Variants in RFTN1 observed in about 807,000 individuals in gnomAD.
The protein encoded by RFTN1 is raftlin.
A neutral mutation model predicts 46.5 loss-of-function variants in RFTN1; 26 were observed. That is an observed-to-expected ratio of 0.56 (90% CI 0.41 to 0.78). The LOEUF (loss-of-function observed/expected upper bound fraction) is 0.78. Ranked by LOEUF, RFTN1 falls within the 30% of genes least tolerant of loss-of-function variation. The pLI is 0.00. For synonymous variants in RFTN1, 261 were observed against 284.2 expected (o/e 0.92, Z 0.82); for missense variants, 693 against 718.7 (o/e 0.96, Z 0.41).
chr3:16,323,827 A>G, intron 8 of RFTN1, among the ~76,000 whole-genome samples: 1 of 152,228 alleles, frequency 6.6e-6, no homozygotes, highest in East Asian at 1.9e-4. Context: ...CAGGTAGATA[A>G]GGACCTGGGT....
chr3:16,479,215 G>T lies in RFTN1; in HGVS notation c.145+14510C>A, dbSNP rs1043659171. Among the ~76,000 whole-genome samples, 5 of 152,136 alleles carry T rather than the reference G, an allele frequency of 3.3e-5. No homozygotes were observed. The highest frequency in any genetic ancestry group is 1.2e-4 in the African/African-American group (5 of 41,428). On this transcript the variant is annotated intron_variant, in intron 2 of 9. Transcript: ENST00000334133. This position sits in a 1 kb window ranked among gnomAD's most constrained non-coding sequence, Gnocchi z 5.1. Reference sequence around the variant, plus strand: ...AACCTTGGCTGGTTCACCCCTCAGGGACACTGATCCCCATCACTTGCCTTA... The same window carrying T: ...AACCTTGGCTGGTTCACCCCTCAGGTACACTGATCCCCATCACTTGCCTTA...
intron 2 of RFTN1, among the ~76,000 whole-genome samples, chr3:16,445,495 A>T (rs1202017107): frequency 2.1e-4 from 31 of 148,756 alleles, no homozygotes; most frequent in African/African-American, 6.9e-4. Context: ...ACACACACAC[A>T]CACACACACA....
At chr3:16,501,895 C>A (rs2076716611) in intron 1 of RFTN1, among the ~76,000 whole-genome samples, 1 of 152,176 alleles carries the variant, frequency 6.6e-6, no homozygotes, top group South Asian at 2.1e-4. Flanking sequence ...TGATCCAATG[C>A]CAGATGTAAA....
chr3:16,496,710 G>A (rs527606593), intron 1 of RFTN1, among the ~76,000 whole-genome samples: 4 of 152,238 alleles, frequency 2.6e-5, no homozygotes, highest in Admixed American at 2.6e-4. Context: ...CTGTGACCCG[G>A]AAATTCCTCT....
chr3:16,488,627 T>C (rs2076491148), intron 2 of RFTN1, among the ~76,000 whole-genome samples: 2 of 152,230 alleles, frequency 1.3e-5, no homozygotes, highest in South Asian at 4.1e-4. Context: ...AACAACAACA[T>C]TCCAGTTGGT....
rs549180782 is a variant in RFTN1, at chr3:16,383,565, T to C, written c.442-5463A>G. ...GGAATTATTTTTATTAAAAATAATATGACATTAGATTTCTAGGATGGATTG... is the reference window on the plus strand; with the variant it reads ...GGAATTATTTTTATTAAAAATAATACGACATTAGATTTCTAGGATGGATTG... On this transcript the variant is annotated intron_variant, in intron 4 of 9. Transcript: ENST00000334133. This position sits in a 1 kb window ranked among gnomAD's most constrained non-coding sequence, Gnocchi z 4.0. Among the ~76,000 whole-genome samples, 1 of 152,334 alleles carries C rather than the reference T, an allele frequency of 6.6e-6. No homozygotes were observed. The highest frequency in any genetic ancestry group is 2.1e-4 in the South Asian group (1 of 4,828).
rs2075258009 is a variant in RFTN1 at position 16,424,726 on chromosome 3, A to T, written c.332+9125T>A. 6.6e-6 allele frequency among the ~76,000 whole-genome samples: 1 copy of T among 152,190 alleles called. No homozygotes were observed. Among genetic ancestry groups the T allele is most frequent in the Non-Finnish European group, 1.5e-5 (1 of 68,030 alleles). On this transcript the variant is annotated intron_variant, in intron 3 of 9. Transcript: ENST00000334133. The surrounding 1 kb of genome is among the most constrained non-coding windows in gnomAD (Gnocchi z 4.7). ...TTGTAAATGGTTCCATCTTTCAATC[A>T]TTTAAAATATAAAATTTGGACAGAT...
rs1237493621 is a variant in RFTN1 at position 16,498,340 on chromosome 3, G to A, written c.-8-4463C>T. On this transcript the variant is annotated intron_variant, in intron 1 of 9. Coordinates refer to ENST00000334133, the MANE Select transcript of RFTN1 (RefSeq NM_015150.2). This position sits in a 1 kb window ranked among gnomAD's most constrained non-coding sequence, Gnocchi z 5.2. The stretch of plus-strand genomic sequence containing the variant: ...GCAGTGAATTAATGTAACCAAGCCA[G>A]CTGTCTCTGTACCTCACTTCTCTTT... 6.6e-6 allele frequency among the ~76,000 whole-genome samples: 1 copy of A among 152,160 alleles called. No homozygotes were observed. The highest frequency in any genetic ancestry group is 1.5e-5 in the Non-Finnish European group (1 of 68,018).
rs1308306849 is a variant in RFTN1 at position 16,450,459 on chromosome 3, C to T, written c.146-16422G>A. On this transcript the variant is annotated intron_variant, in intron 2 of 9. Transcript: ENST00000334133. The surrounding 1 kb of genome is among the most constrained non-coding windows in gnomAD (Gnocchi z 4.6). ...AGAGCCTGAGGCCCATCCAAGGGCT[C>T]TCTCCCACTGCACCATGATGCTGCA... Among the ~76,000 whole-genome samples the T allele has an allele frequency of 6.6e-6, 1 of 152,198 alleles. No homozygotes were observed. Among genetic ancestry groups the T allele is most frequent in the Non-Finnish European group, 1.5e-5 (1 of 68,032 alleles).
rs1005412131 is a variant in RFTN1 at position 16,327,954 on chromosome 3, C to T, written c.1147-1078G>A. On this transcript the variant is annotated intron_variant, in intron 7 of 9. Coordinates refer to ENST00000334133, the MANE Select transcript of RFTN1 (RefSeq NM_015150.2). This position sits in a 1 kb window ranked among gnomAD's most constrained non-coding sequence, Gnocchi z 4.2. ...CTGCTCTGTGTGTAACTGGACTCCT[C>T]ATCCCTCATAGTTTGGCTTCTTGTA... 4.6e-5 allele frequency among the ~76,000 whole-genome samples: 7 copies of T among 152,228 alleles called. No homozygotes were observed. The highest frequency in any genetic ancestry group is 4.1e-4 in the South Asian group (2 of 4,834).
Position 16,338,791 on chromosome 3 carries a change from G to GA in RFTN1, c.1147-11916dup, listed in dbSNP as rs1003936726. On this transcript the variant is annotated intron_variant, in intron 7 of 9. Transcript: ENST00000334133. The surrounding 1 kb of genome is among the most constrained non-coding windows in gnomAD (Gnocchi z 5.3). ...TTACCTAGAAAAGAGAAAAGGGATT[G>GA]AAAAAAGGAGCTTTTCCAAAGTGTA... 2.8e-4 allele frequency among the ~76,000 whole-genome samples: 42 copies of GA among 152,192 alleles called. No homozygotes were observed. The highest frequency in any genetic ancestry group is 1.0e-3 in the African/African-American group (42 of 41,524).
rs1464183712 is a variant in RFTN1 at position 16,329,033 on chromosome 3, A to G, written c.1147-2157T>C. ...GTGTTGAAAACTTAATCCCCAATGC[A>G]ATGACATTGAATGGTGAGGCCTGGT... On this transcript the variant is annotated intron_variant, in intron 7 of 9. Coordinates refer to ENST00000334133, the MANE Select transcript of RFTN1 (RefSeq NM_015150.2). The surrounding 1 kb of genome is among the most constrained non-coding windows in gnomAD (Gnocchi z 4.5). Among the ~76,000 whole-genome samples the G allele has an allele frequency of 2.6e-5, 4 of 152,250 alleles. No homozygotes were observed. The East Asian group carries it at 5.8e-4, about 22-fold the overall frequency.
At chr3:16,431,348 C>G (rs559183060) in intron 3 of RFTN1, among the ~76,000 whole-genome samples, 1 of 152,278 alleles carries the variant, frequency 6.6e-6, no homozygotes, top group South Asian at 2.1e-4. Context: ...GTGCCACGGA[C>G]CATCAGCATC....
chr3:16,488,640 T>A, intron 2 of RFTN1, among the ~76,000 whole-genome samples: 1 of 152,226 alleles, frequency 6.6e-6, no homozygotes, highest in East Asian at 1.9e-4. Flanking sequence ...CAGTTGGTGT[T>A]AATGCCTATT....
intron 2 of RFTN1, among the ~76,000 whole-genome samples, chr3:16,441,587 C>G (rs1315524738): frequency 2.0e-5 from 3 of 152,202 alleles, no homozygotes; most frequent in Admixed American, 2.0e-4. Flanking sequence ...AGCAACTGCC[C>G]ATTTCACTCA....
At position 16,474,828 on chromosome 3, in the gene RFTN1, T is replaced by A. The variant is rs1437399665; in HGVS notation, c.145+18897A>T. 6.6e-6 allele frequency among the ~76,000 whole-genome samples: 1 copy of A among 152,220 alleles called. No individual in the cohort carries two copies. Among genetic ancestry groups the A allele is most frequent in the Admixed American group, 6.5e-5 (1 of 15,284 alleles). On this transcript the variant is annotated intron_variant, in intron 2 of 9. Transcript: ENST00000334133. This position sits in a 1 kb window ranked among gnomAD's most constrained non-coding sequence, Gnocchi z 5.5. ...TTCGGGACAAAGAATACAAGCTGCA[T>A]CAGTTCTATTTCTTCCCCAGCCAGA...
At chr3:16,349,588 A>G (rs2071958220) in intron 7 of RFTN1, 1 of 152,274 alleles carries the variant, frequency 6.6e-6, no homozygotes, top group Non-Finnish European at 1.5e-5. Context: ...GCTCAAAGCA[A>G]GAAGTTGCAC....
chr3:16,469,591 G>A (rs970937603), intron 2 of RFTN1, among the ~76,000 whole-genome samples: 13 of 152,222 alleles, frequency 8.5e-5, no homozygotes, highest in Non-Finnish European at 1.6e-4. Flanking sequence ...CCAGGATGCC[G>A]CACTGGGGAG....
intron 3 of RFTN1, among the ~76,000 whole-genome samples, chr3:16,420,103 T>C (rs2075156768): frequency 6.6e-6 from 1 of 152,234 alleles, no homozygotes; most frequent in African/African-American, 2.4e-5. Context: ...TCAGCCACTG[T>C]GCACTACAAG....
Sources: gnomAD v4.1 joint callset for allele counts (sites outside exome capture counted in the v4.1 genomes callset) on GRCh38, gnomAD v4.1.1 for gene constraint, Gnocchi (gnomAD v3.1) non-coding constraint, MANE v1.5 for transcripts, NCBI Gene and HGNC (gene_info 2026-07-23, HGNC 2026-07-21) for gene names.